The following ARHGEF6 variants were observed in gnomAD, a reference collection of about 807,000 sequenced individuals.
ARHGEF6 encodes the protein rho guanine nucleotide exchange factor 6.
Under a neutral mutation model 70.3 loss-of-function variants are expected in ARHGEF6, and 9 were observed. The ratio of observed to expected loss-of-function variants is 0.13; its 90% CI spans 0.08 to 0.22. ARHGEF6 has a LOEUF of 0.22. Among genes scored for constraint, ARHGEF6 ranks in the 10% least tolerant of loss-of-function variants. The pLI, the probability that ARHGEF6 is intolerant of heterozygous loss-of-function variation, is 1.00. For synonymous variants in ARHGEF6, 201 were observed against 207.8 expected (o/e 0.97, Z 0.28); for missense variants, 470 against 563.0 (o/e 0.83, Z 1.67).
chrX:136,780,384 C>A (rs1385552789), intron 1 of ARHGEF6, among the ~76,000 whole-genome samples: 3 of 110,458 alleles, frequency 2.7e-5, no homozygotes, highest in Admixed American at 9.6e-5. Flanking sequence ...TCATAAGTAC[C>A]CCAAGTTCAA....
chrX:136,727,395 TTCTCTCTC>T (rs1188095168), intron 6 of ARHGEF6, among the ~76,000 whole-genome samples: 6 of 53,618 alleles, frequency 1.1e-4, no homozygotes, highest in Non-Finnish European at 1.7e-4. Flanking sequence ...CTTTCTTTCT[TTCTCTCTC>T]TCTCTCTCTC....
intron 2 of ARHGEF6, among the ~76,000 whole-genome samples, chrX:136,770,459 G>A (rs946440044): frequency 4.5e-5 from 5 of 111,826 alleles, no homozygotes; most frequent in East Asian, 2.8e-4. Flanking sequence ...ATCTAACATC[G>A]TACTCAATGG....
intron 11 of ARHGEF6, 129 bp from the exon 12 acceptor site, chrX:136,685,952 T>C: frequency 1.4e-6 from 1 of 708,245 alleles, no homozygotes; most frequent in East Asian, 3.4e-5. Flanking sequence ...ATGAATCCCA[T>C]GACCCAGGCC....
intron 2 of ARHGEF6, among the ~76,000 whole-genome samples, chrX:136,769,321 A>G (rs1390358171): frequency 9.0e-6 from 1 of 111,472 alleles, no homozygotes; most frequent in Non-Finnish European, 1.9e-5. Flanking sequence ...CTGAGGCACA[A>G]GAATCACTTT....
chrX:136,723,711 G>T (rs1257239386), intron 6 of ARHGEF6, among the ~76,000 whole-genome samples: 1 of 110,872 alleles, frequency 9.0e-6, no homozygotes, highest in Non-Finnish European at 1.9e-5. Flanking sequence ...ATCACTCGAG[G>T]CCAGGAGTTT....
chrX:136,778,396 G>C (rs376369927), intron 2 of ARHGEF6, among the ~76,000 whole-genome samples: 20 of 111,638 alleles, frequency 1.8e-4, no homozygotes, highest in African/African-American at 6.5e-4. Context: ...TTCTGTCCCA[G>C]GCCCTATGCT....
At chrX:136,768,707 C>G (rs1318987790) in intron 2 of ARHGEF6, 1 of 112,152 alleles carries the variant, frequency 8.9e-6, no homozygotes, top group Non-Finnish European at 1.9e-5. Flanking sequence ...TAACTCCTCC[C>G]AGGAGGCACC....
At chrX:136,709,634 C>T (rs1248314525) in intron 7 of ARHGEF6, among the ~76,000 whole-genome samples, 2 of 112,642 alleles carry the variant, frequency 1.8e-5, no homozygotes, top group Admixed American at 9.3e-5. Context: ...CTCTTAACCA[C>T]TTTTTGGGAG....
intron 2 of ARHGEF6, among the ~76,000 whole-genome samples, chrX:136,748,374 A>G (rs918104816): frequency 8.9e-6 from 1 of 112,418 alleles, no homozygotes; most frequent in Non-Finnish European, 1.9e-5. Context: ...TTACCAGTCA[A>G]CTGTCAATCT....
intron 2 of ARHGEF6, among the ~76,000 whole-genome samples, chrX:136,768,913 T>G (rs1459307417): frequency 2.7e-4 from 22 of 81,544 alleles, no homozygotes; most frequent in African/African-American, 4.0e-4. Flanking sequence ...AATGAGGGGG[T>G]GGGGGCAGAG....
intron 5 of ARHGEF6, among the ~76,000 whole-genome samples, chrX:136,742,096 G>A (rs915093255): frequency 1.8e-5 from 2 of 111,275 alleles, no homozygotes; most frequent in Admixed American, 9.5e-5. Flanking sequence ...TGAGGCGGGC[G>A]GATCACAAGG....
chrX:136,776,962 C>T (rs1439146278), intron 2 of ARHGEF6, among the ~76,000 whole-genome samples: 9 of 111,826 alleles, frequency 8.0e-5, no homozygotes, highest in Admixed American at 1.9e-4. Flanking sequence ...CGGTGGCTCA[C>T]GCCTGTAATC....
At position 136,668,173 on chromosome X, in the gene ARHGEF6, T is replaced by G; in HGVS notation, c.2191-4A>C. Reference sequence around the variant, plus strand: ...ATTGCTTCATTCTTTTATTTTCCTATGATGGGGAAAGATTTGTTGATTATC... The same window carrying G: ...ATTGCTTCATTCTTTTATTTTCCTAGGATGGGGAAAGATTTGTTGATTATC... On this transcript the variant is annotated splice_polypyrimidine_tract_variant and splice_region_variant and intron_variant, in intron 21 of 21. Coordinates refer to ENST00000250617, the MANE Select transcript of ARHGEF6 (RefSeq NM_004840.3). 8.3e-7 allele frequency: 1 copy of G among 1,211,266 alleles called. No homozygotes were observed. Among genetic ancestry groups the G allele is most frequent in the Non-Finnish European group, 1.1e-6 (1 of 895,290 alleles).
Position 136,699,949 on chromosome X carries a change from G to T in ARHGEF6, c.1046+6959C>A, listed in dbSNP as rs12860732. On this transcript the variant is annotated intron_variant, in intron 9 of 21. Coordinates refer to ENST00000250617, the MANE Select transcript of ARHGEF6 (RefSeq NM_004840.3). ...CTTCCAAGGGAAACTATGTTGCCAA[G>T]TCTTATCTGACCTGAGGAAGGTACA... Among the ~76,000 whole-genome samples the T allele has an allele frequency of 7.6e-4, 84 of 111,175 alleles. 1 individual carries two copies. The highest frequency in any genetic ancestry group is 1.2e-3 in the Non-Finnish European group (62 of 53,032).
chrX:136,727,352 T>C, intron 6 of ARHGEF6, among the ~76,000 whole-genome samples: 2 of 51,090 alleles, frequency 3.9e-5, no homozygotes, highest in African/African-American at 1.5e-4. Flanking sequence ...TTTCTTTCTT[T>C]CTTTCTTTCT....
intron 12 of ARHGEF6, among the ~76,000 whole-genome samples, chrX:136,683,519 C>A (rs916255910): frequency 9.1e-6 from 1 of 110,435 alleles, no homozygotes; most frequent in Non-Finnish European, 1.9e-5. Flanking sequence ...CCACCACTCC[C>A]GGCTAATTTT....
Position 136,766,007 on chromosome X carries a change from C to T in ARHGEF6, c.249+13407G>A, listed in dbSNP as rs1462229573. On this transcript the variant is annotated intron_variant, in intron 2 of 21. Coordinates refer to ENST00000250617, the MANE Select transcript of ARHGEF6 (RefSeq NM_004840.3). ...CCTTGTTTTAACTGCTCTAAGCACA[C>T]CCAAAGAGTACACCAGCCTGAAGCT... Among the ~76,000 whole-genome samples, 8 of 112,879 alleles carry T rather than the reference C, an allele frequency of 7.1e-5. No homozygotes were observed. The East Asian group carries it at 2.2e-3, about 31-fold the overall frequency.
At chrX:136,735,425 G>GGAAT (rs1371381118) in intron 5 of ARHGEF6, among the ~76,000 whole-genome samples, 2 of 110,763 alleles carry the variant, frequency 1.8e-5, no homozygotes, top group Admixed American at 9.6e-5. Flanking sequence ...ATGCAGAGAA[G>GGAAT]GAATGAATAT....
chrX:136,695,394 C>T (rs2076499919), intron 9 of ARHGEF6, among the ~76,000 whole-genome samples: 1 of 112,526 alleles, frequency 8.9e-6, no homozygotes, highest in Non-Finnish European at 1.9e-5. Flanking sequence ...TCACCAAAAA[C>T]TTGAGAATCT....
Sources: allele counts gnomAD v4.1 joint callset (sites outside exome capture counted in the v4.1 genomes callset), GRCh38; gene constraint gnomAD v4.1.1; transcripts MANE v1.5; gene names NCBI Gene and HGNC (gene_info 2026-07-23, HGNC 2026-07-21).